Variants in KIAA1328 observed in about 807,000 individuals in gnomAD.
KIAA1328 encodes the protein protein hinderin.
Under a neutral mutation model 68.1 loss-of-function variants are expected in KIAA1328, and 52 were observed. The observed-to-expected ratio is 0.76, with a 90% CI of 0.61 to 0.96. The LOEUF is 0.96. Ranked by LOEUF, KIAA1328 falls within the 40% of genes least tolerant of loss-of-function variation. The pLI is 0.00. For missense variants in KIAA1328, 641 were observed against 677.6 expected (o/e 0.95, Z 0.60); for synonymous variants, 232 against 239.4 (o/e 0.97, Z 0.28).
chr18:36,919,264 A>G (rs2049829258), intron 5 of KIAA1328, among the ~76,000 whole-genome samples: 1 of 152,172 alleles, frequency 6.6e-6, no homozygotes, highest in African/African-American at 2.4e-5. Flanking sequence ...TTTGTACAGT[A>G]TGTCTAGTTT....
intron 5 of KIAA1328, among the ~76,000 whole-genome samples, chr18:36,925,425 GA>G (rs1486884676): frequency 6.6e-6 from 1 of 152,144 alleles, no homozygotes; most frequent in Non-Finnish European, 1.5e-5. Context: ...GGCAGATCTA[GA>G]ATACACTAAA....
At chr18:37,163,452 GTA>G (rs2059324484) in intron 8 of KIAA1328, among the ~76,000 whole-genome samples, 1 of 152,140 alleles carries the variant, frequency 6.6e-6, no homozygotes, top group South Asian at 2.1e-4. Context: ...TTACCTGATG[GTA>G]GAGATTGTGC....
At chr18:36,847,328 C>T (rs1600967425) in intron 4 of KIAA1328, among the ~76,000 whole-genome samples, 1 of 151,430 alleles carries the variant, frequency 6.6e-6, no homozygotes, top group South Asian at 2.1e-4. Flanking sequence ...ACTTCCCAAC[C>T]GCTTCCCAAT....
At chr18:36,975,373 G>A (rs948526572) in intron 6 of KIAA1328, among the ~76,000 whole-genome samples, 5 of 151,738 alleles carry the variant, frequency 3.3e-5, no homozygotes, top group African/African-American at 9.7e-5. Context: ...TAGTAGAGAC[G>A]GGGTTTCACC....
chr18:37,139,210 G>A (rs746413373), intron 7 of KIAA1328, among the ~76,000 whole-genome samples: 20 of 152,036 alleles, frequency 1.3e-4, no homozygotes, highest in African/African-American at 4.8e-4. Flanking sequence ...TGATCTGCCC[G>A]CCTCGGCCTC....
chr18:36,875,468 G>A (rs2150946015), intron 4 of KIAA1328, among the ~76,000 whole-genome samples: 1 of 152,264 alleles, frequency 6.6e-6, no homozygotes, highest in Middle Eastern at 3.4e-3. Flanking sequence ...CTCTCTGTTT[G>A]TCTATTATTG....
intron 8 of KIAA1328, among the ~76,000 whole-genome samples, chr18:37,166,704 G>T (rs1463783985): frequency 1.3e-5 from 2 of 152,146 alleles, no homozygotes; most frequent in Non-Finnish European, 2.9e-5. Flanking sequence ...CATGGAGCCT[G>T]CCTTTGTTTT....
At chr18:36,883,665 A>G (rs552902534) in intron 4 of KIAA1328, among the ~76,000 whole-genome samples, 1 of 152,270 alleles carries the variant, frequency 6.6e-6, no homozygotes, top group East Asian at 1.9e-4. Context: ...AATCTGAAAC[A>G]CTTTTGGTCC....
chr18:37,160,193 C>A lies in KIAA1328; in HGVS notation c.1233-7C>A, dbSNP rs1220599459. The A allele has an allele frequency of 6.2e-7, 1 of 1,607,582 alleles. No homozygotes were observed. Among genetic ancestry groups the A allele is most frequent in the African/African-American group, 1.3e-5 (1 of 74,926 alleles). ...CTTCAACAGTTCATTCATCGTTGTT[C>A]TTTCAGTTTATTGAAGTCAAACTGT... On this transcript the variant is annotated splice_polypyrimidine_tract_variant and splice_region_variant and intron_variant, in intron 7 of 9. Transcript: ENST00000280020.
At chr18:36,995,447 A>G (rs1170877265) in intron 6 of KIAA1328, among the ~76,000 whole-genome samples, 1 of 152,076 alleles carries the variant, frequency 6.6e-6, no homozygotes, top group East Asian at 1.9e-4. Context: ...ACTTTCTAAC[A>G]TTCAAAGTTT....
At chr18:36,872,417 C>T (rs1261032686) in intron 4 of KIAA1328, among the ~76,000 whole-genome samples, 2 of 152,076 alleles carry the variant, frequency 1.3e-5, no homozygotes, top group Non-Finnish European at 2.9e-5. Flanking sequence ...GATGGACCCT[C>T]TAAGAGGAAA....
chr18:37,013,718 A>G (rs538565160), intron 6 of KIAA1328, among the ~76,000 whole-genome samples: 1 of 152,288 alleles, frequency 6.6e-6, no homozygotes, highest in African/African-American at 2.4e-5. Flanking sequence ...GTATACGTGT[A>G]CCACATTTTC....
chr18:37,098,510 A>G (rs1230100862), intron 7 of KIAA1328, among the ~76,000 whole-genome samples: 1 of 152,120 alleles, frequency 6.6e-6, no homozygotes, highest in Non-Finnish European at 1.5e-5. Flanking sequence ...ATTGATGTTC[A>G]TGAGGTATAT....
chr18:36,843,431 T>C (rs1285640314), intron 3 of KIAA1328, among the ~76,000 whole-genome samples: 1 of 152,180 alleles, frequency 6.6e-6, no homozygotes, highest in Non-Finnish European at 1.5e-5. Flanking sequence ...TCCTTTTACA[T>C]GTTACCTACG....
chr18:37,049,861 A>G (rs989090601), intron 6 of KIAA1328, among the ~76,000 whole-genome samples: 2 of 152,110 alleles, frequency 1.3e-5, no homozygotes, highest in African/African-American at 2.4e-5. Context: ...CAGAGAGTTT[A>G]TTTTCACTTG....
chr18:36,948,504 C>G (rs1364951163), intron 5 of KIAA1328, among the ~76,000 whole-genome samples: 1 of 151,258 alleles, frequency 6.6e-6, no homozygotes, highest in Non-Finnish European at 1.5e-5. Context: ...TCGTGATCCT[C>G]CCACCTCGGC....
intron 6 of KIAA1328, among the ~76,000 whole-genome samples, chr18:37,024,411 G>T (rs954380792): frequency 1.3e-5 from 2 of 149,358 alleles, no homozygotes; most frequent in Admixed American, 6.7e-5. Context: ...AAGTTCTAGG[G>T]CACACGTGCA....
chr18:37,078,074 A>G (rs1272497050), intron 7 of KIAA1328, among the ~76,000 whole-genome samples: 1 of 152,230 alleles, frequency 6.6e-6, no homozygotes, highest in African/African-American at 2.4e-5. Context: ...CCTGACTTCA[A>G]AGTATACTAC....
intron 4 of KIAA1328, among the ~76,000 whole-genome samples, chr18:36,848,057 G>A (rs1268505213): frequency 6.6e-6 from 1 of 151,374 alleles, no homozygotes; most frequent in Non-Finnish European, 1.5e-5. Flanking sequence ...GACTCTTTGA[G>A]GTCCTTTGCA....
Sources: gnomAD v4.1 joint callset for allele counts (sites outside exome capture counted in the v4.1 genomes callset) on GRCh38, gnomAD v4.1.1 for gene constraint, MANE v1.5 for transcripts, NCBI Gene and HGNC (gene_info 2026-07-23, HGNC 2026-07-21) for gene names.